OR9Q1: variants seen among roughly 807,000 people sequenced by gnomAD.
OR9Q1 encodes the protein olfactory receptor 9Q1.
For missense variants in OR9Q1, 374 were observed against 378.8 expected, an observed-to-expected ratio of 0.99 and a Z score of 0.11; for synonymous variants, 153 against 148.6, an observed-to-expected ratio of 1.03 and a Z score of -0.22.
chr11:58,059,079 A>G (rs954222961), intron 2 of OR9Q1, among the ~76,000 whole-genome samples: 7 of 152,112 alleles, frequency 4.6e-5, no homozygotes, highest in Admixed American at 3.9e-4. Flanking sequence ...TCTAATTATT[A>G]TCTCACTGGC....
At chr11:58,031,637 C>T (rs1043342579) in intron 1 of OR9Q1, 1 of 1,082,434 alleles carries the variant, frequency 9.2e-7, no homozygotes, top group South Asian at 1.5e-5. Flanking sequence ...CGTCTGGACA[C>T]TGCTGCACAT....
At chr11:58,114,698 G>C (rs568433656) in intron 2 of OR9Q1, among the ~76,000 whole-genome samples, 87 of 152,294 alleles carry the variant, frequency 5.7e-4, no homozygotes, top group African/African-American at 2.0e-3. Flanking sequence ...AAAGAAATGA[G>C]ATGATCCAGA....
intron 2 of OR9Q1, among the ~76,000 whole-genome samples, chr11:58,161,400 C>A (rs1309986268): frequency 1.3e-5 from 2 of 151,984 alleles, no homozygotes; most frequent in African/African-American, 2.4e-5. Flanking sequence ...GAGGCAATGG[C>A]GTAATAGATG....
In OR9Q1 at chr11:58,152,571, GTTGA is replaced by G. The variant is rs1271957308; in HGVS notation, c.-14-26853_-14-26850del. Among the ~76,000 whole-genome samples the G allele has an allele frequency of 3.3e-5, 5 of 152,110 alleles. No individual in the cohort carries two copies. The South Asian group carries it at 8.3e-4, about 25-fold the overall frequency. The stretch of plus-strand genomic sequence containing the variant: ...CTTTTGTAAATTTTTTATGTGCTTT[GTTGA>G]TTGATTTGTAACAGTAACTTGTACA... On this transcript the variant is annotated intron_variant, in intron 2 of 2. Coordinates refer to ENST00000335397, the MANE Select transcript of OR9Q1 (RefSeq NM_001005212.4).
rs148750239 is a variant in OR9Q1 at position 58,121,632 on chromosome 11, C to T, written c.-14-57799C>T. ...CTTAATCTTACACCCCCAACTTCCT[C>T]AGGTTGGAATCTGCCAATTCAGAGT... is the stretch of plus-strand genomic sequence containing the variant. On this transcript the variant is annotated intron_variant, in intron 2 of 2. Transcript: ENST00000335397. Among the ~76,000 whole-genome samples, 195 of 152,328 alleles carry T rather than the reference C, an allele frequency of 1.3e-3. 1 individual carries two copies. Among genetic ancestry groups the T allele is most frequent in the Admixed American group, 2.1e-3 (32 of 15,302 alleles).
At chr11:58,064,490 G>C (rs2120003303) in intron 2 of OR9Q1, among the ~76,000 whole-genome samples, 1 of 152,258 alleles carries the variant, frequency 6.6e-6, no homozygotes, top group Non-Finnish European at 1.5e-5. Context: ...TCAGACATGG[G>C]CTCTGACTCC....
At chr11:58,046,597 C>G (rs558271007) in intron 1 of OR9Q1, among the ~76,000 whole-genome samples, 1 of 152,284 alleles carries the variant, frequency 6.6e-6, no homozygotes, top group South Asian at 2.1e-4. Context: ...CGTGGTGGCT[C>G]ACACCTGTAA....
intron 2 of OR9Q1, among the ~76,000 whole-genome samples, chr11:58,089,463 G>A (rs1372104023): frequency 6.6e-6 from 1 of 151,738 alleles, no homozygotes; most frequent in East Asian, 1.9e-4. Context: ...CTGTAGATGT[G>A]TATGTATGGT....
intron 1 of OR9Q1, among the ~76,000 whole-genome samples, chr11:58,048,741 C>G (rs192709048): frequency 0.025 from 3,434 of 139,524 alleles, 63 homozygotes; most frequent in East Asian, 0.062. Flanking sequence ...CAAATAGACA[C>G]AATAAAAAAT....
intron 2 of OR9Q1, among the ~76,000 whole-genome samples, chr11:58,122,804 T>TAG (rs2120143846): frequency 6.6e-6 from 1 of 152,256 alleles, no homozygotes; most frequent in Admixed American, 6.5e-5. Context: ...TATCCTTCTA[T>TAG]GTTTATTCTT....
rs552725514 is a variant in OR9Q1, at chr11:58,119,980, G to T, written c.-14-59451G>T. Among the ~76,000 whole-genome samples, 10 of 152,204 alleles carry T rather than the reference G, an allele frequency of 6.6e-5. No individual in the cohort carries two copies. The South Asian group carries it at 1.5e-3, about 22-fold the overall frequency. On this transcript the variant is annotated intron_variant, in intron 2 of 2. Transcript: ENST00000335397. The stretch of plus-strand genomic sequence containing the variant: ...TTCACAAGTTGGAACTGATGAATCT[G>T]CTCTTCCTGCCCACCATTCCCTTAT...
intron 2 of OR9Q1, among the ~76,000 whole-genome samples, chr11:58,099,533 T>C (rs1377241786): frequency 6.6e-6 from 1 of 152,062 alleles, no homozygotes; most frequent in East Asian, 1.9e-4. Flanking sequence ...GCACCCTGGC[T>C]TTCTTATGCT....
chr11:58,166,349 T>C (rs1235935353), intron 2 of OR9Q1, among the ~76,000 whole-genome samples: 1 of 152,364 alleles, frequency 6.6e-6, no homozygotes, highest in East Asian at 1.9e-4. Flanking sequence ...TAACTCCTAT[T>C]AGTTTCGTAT....
chr11:58,040,193 T>C (rs1053587997), intron 1 of OR9Q1, among the ~76,000 whole-genome samples: 1 of 152,332 alleles, frequency 6.6e-6, no homozygotes, highest in Middle Eastern at 3.4e-3. Flanking sequence ...CTGGCATCAG[T>C]TCCCTTATCT....
chr11:58,036,427 TC>T (rs1853101410), intron 1 of OR9Q1, among the ~76,000 whole-genome samples: 2 of 152,238 alleles, frequency 1.3e-5, no homozygotes, highest in Non-Finnish European at 2.9e-5. Flanking sequence ...TAACATCCAT[TC>T]CATAGCCCAT....
intron 2 of OR9Q1, among the ~76,000 whole-genome samples, chr11:58,105,421 C>T (rs554665976): frequency 6.6e-6 from 1 of 152,002 alleles, no homozygotes; most frequent in Admixed American, 6.5e-5. Flanking sequence ...CATATAAAAC[C>T]ACGACCAAAA....
intron 2 of OR9Q1, among the ~76,000 whole-genome samples, chr11:58,169,406 CT>C (rs2119943742): frequency 6.6e-6 from 1 of 152,132 alleles, no homozygotes; most frequent in Admixed American, 6.6e-5. Context: ...TCTCTTAGAA[CT>C]TTTATTGAGC....
intron 2 of OR9Q1, among the ~76,000 whole-genome samples, chr11:58,174,283 G>A (rs1238285818): frequency 6.6e-6 from 1 of 152,100 alleles, no homozygotes; most frequent in African/African-American, 2.4e-5. Flanking sequence ...TGCATAGCTT[G>A]CTGACCCAAA....
intron 2 of OR9Q1, among the ~76,000 whole-genome samples, chr11:58,075,815 C>T (rs911964712): frequency 2.0e-5 from 3 of 152,124 alleles, no homozygotes; most frequent in South Asian, 2.1e-4. Flanking sequence ...TAATTGCATC[C>T]AATGATCATG....
Sources: gnomAD v4.1 joint callset for allele counts (sites outside exome capture counted in the v4.1 genomes callset) on GRCh38, gnomAD v4.1.1 for gene constraint, MANE v1.5 for transcripts, NCBI Gene and HGNC (gene_info 2026-07-23, HGNC 2026-07-21) for gene names.